Variants in RBM27 observed in about 807,000 individuals in gnomAD.
RBM27 encodes RNA-binding protein 27.
In RBM27, 22 loss-of-function variants were observed where a neutral mutation model predicts 135.3. The observed-to-expected ratio is 0.16, with a 90% CI of 0.12 to 0.23. RBM27 has a LOEUF of 0.23. Among genes scored for constraint, RBM27 ranks in the 10% least tolerant of loss-of-function variants. The pLI is 1.00. For synonymous variants in RBM27, 481 were observed against 442.4 expected, an observed-to-expected ratio of 1.09 and a Z score of -1.10; for missense variants, 1,009 against 1,281.0, an observed-to-expected ratio of 0.79 and a Z score of 3.24.
intron 1 of RBM27, among the ~76,000 whole-genome samples, chr5:146,215,521 C>T (rs181251595): frequency 2.9e-3 from 436 of 152,252 alleles, no homozygotes; most frequent in Non-Finnish European, 4.7e-3. Flanking sequence ...TTCTTCCATT[C>T]TTATTTATTT....
chr5:146,250,770 C>T (rs1299086916), intron 8 of RBM27, among the ~76,000 whole-genome samples: 3 of 72,666 alleles, frequency 4.1e-5, no homozygotes, highest in African/African-American at 5.5e-5. Context: ...TTTTTTTGTC[C>T]TTTTTTTTTT....
At chr5:146,216,596 G>C (rs956300728) in intron 1 of RBM27, among the ~76,000 whole-genome samples, 1 of 151,934 alleles carries the variant, frequency 6.6e-6, no homozygotes, top group Non-Finnish European at 1.5e-5. Context: ...GCCTTACTAA[G>C]GTTATCTGTT....
chr5:146,263,644 G>A lies in RBM27; in HGVS notation c.2331+13G>A. ...AGAAGATTGCCAGGTATGCATTTTT[G>A]GGAGCTTCAGATATATTTAGAATCA... On this transcript the variant is annotated intron_variant, in intron 14 of 20. Transcript: ENST00000265271. 2 of 1,612,396 alleles carry A rather than the reference G, an allele frequency of 1.2e-6. No individual in the cohort carries two copies. The highest frequency in any genetic ancestry group is 3.3e-4 in the Middle Eastern group (2 of 6,046).
intron 8 of RBM27, chr5:146,245,178 T>C (rs1327516845): frequency 6.6e-6 from 1 of 152,182 alleles, no homozygotes; most frequent in Non-Finnish European, 1.5e-5. Context: ...CCTAATTTTT[T>C]TTTTTTTTGC....
intron 7 of RBM27, 78 bp downstream of exon 7, chr5:146,233,821 G>A (rs752650381): frequency 5.2e-5 from 51 of 984,700 alleles, no homozygotes; most frequent in Middle Eastern, 2.6e-4. Flanking sequence ...CTTGACACTC[G>A]TTTAAAGTGT....
intron 1 of RBM27, among the ~76,000 whole-genome samples, chr5:146,206,260 G>C (rs1175141047): frequency 6.8e-6 from 1 of 147,382 alleles, no homozygotes; most frequent in African/African-American, 2.5e-5. Flanking sequence ...TTTTTTTAAA[G>C]CTCCCTAAGA....
intron 8 of RBM27, among the ~76,000 whole-genome samples, chr5:146,240,389 A>C (rs1757357850): frequency 6.6e-6 from 1 of 151,678 alleles, no homozygotes; most frequent in African/African-American, 2.4e-5. Flanking sequence ...TGCAGTGGTG[A>C]GATCTCAGCT....
At chr5:146,280,347 G>A (rs1229783734) in intron 19 of RBM27, among the ~76,000 whole-genome samples, 1 of 152,092 alleles carries the variant, frequency 6.6e-6, no homozygotes, top group Admixed American at 6.6e-5. Context: ...GTGCCACCAC[G>A]CCCGACCTAT....
Position 146,287,016 on chromosome 5 carries a change from T to G in RBM27, c.*986T>G, listed in dbSNP as rs1397329848. Reference sequence around the variant, plus strand: ...TTTGGGGAGAAGAGAATCACCAGCTTTATTTTTTCCCTCTTTTGAAGCTTC... The same window carrying G: ...TTTGGGGAGAAGAGAATCACCAGCTGTATTTTTTCCCTCTTTTGAAGCTTC... On this transcript the variant is annotated 3_prime_UTR_variant, in exon 21 of 21. Transcript: ENST00000265271. The G allele has an allele frequency of 6.6e-6, 1 of 152,358 alleles. No homozygotes were observed. Among genetic ancestry groups the G allele is most frequent in the Non-Finnish European group, 1.5e-5 (1 of 68,020 alleles). The allele number at this position is 152,358 out of a possible 1,614,324, so 9.4% of individuals were successfully genotyped here.
At chr5:146,277,041 G>A (rs953479397) in intron 19 of RBM27, among the ~76,000 whole-genome samples, 5 of 152,218 alleles carry the variant, frequency 3.3e-5, no homozygotes, top group South Asian at 2.1e-4. Context: ...TATAATTTTC[G>A]TAGCTAGTTC....
intron 17 of RBM27, 127 bp downstream of exon 17, chr5:146,269,711 G>A (rs1377083495): frequency 4.8e-6 from 1 of 207,790 alleles, no homozygotes; most frequent in Non-Finnish European, 9.4e-6. Flanking sequence ...AACAATTATA[G>A]TACTTAAAAA....
intron 7 of RBM27, 76 bp downstream of exon 7, chr5:146,233,819 T>G: frequency 9.9e-7 from 1 of 1,015,206 alleles, no homozygotes; most frequent in Non-Finnish European, 1.3e-6. Flanking sequence ...AACTTGACAC[T>G]CGTTTAAAGT....
chr5:146,216,997 C>T (rs1014274007), intron 1 of RBM27, among the ~76,000 whole-genome samples: 7 of 151,960 alleles, frequency 4.6e-5, no homozygotes, highest in African/African-American at 1.4e-4. Context: ...GATGGAGTCT[C>T]GCTCTGTTGC....
At chr5:146,250,020 G>A (rs1757814732) in intron 8 of RBM27, among the ~76,000 whole-genome samples, 1 of 152,122 alleles carries the variant, frequency 6.6e-6, no homozygotes, top group Non-Finnish European at 1.5e-5. Flanking sequence ...CGAAGAAAAG[G>A]GTAGTGAAGT....
In RBM27 at chr5:146,263,525, T is replaced by G; in HGVS notation, c.2225T>G (p.Val742Gly). 1.9e-6 allele frequency: 3 copies of G among 1,614,164 alleles called. No homozygotes were observed. The highest frequency in any genetic ancestry group is 2.5e-6 in the Non-Finnish European group (3 of 1,180,008). The change falls in exon 14 of 21, where the codon GTT (valine) becomes GGT (glycine). Residue 742 changes from valine to glycine, a missense_variant. Transcript: ENST00000265271. ...MSKPQTSGAY[V>G]LNKVPVKHRL... ...AAACCACAGACATCAGGTGCATATG[T>G]TCTTAACAAAGTTCCTGTTAAACAT... is the stretch of plus-strand genomic sequence containing the variant.
chr5:146,224,910 T>C (rs1430574697), intron 3 of RBM27, among the ~76,000 whole-genome samples: 1 of 152,074 alleles, frequency 6.6e-6, no homozygotes, highest in Admixed American at 6.6e-5. Context: ...TTTTTCTCAG[T>C]AATTTGAGTA....
chr5:146,204,204 G>GAATAGCAGA (rs1195207373), intron 1 of RBM27, among the ~76,000 whole-genome samples: 1 of 152,166 alleles, frequency 6.6e-6, no homozygotes, highest in Non-Finnish European at 1.5e-5. Flanking sequence ...ATGTCGAAGG[G>GAATAGCAGA]AATAGCAGAA....
At chr5:146,228,888 C>A in intron 3 of RBM27, 58 bp from the exon 4 acceptor site, 1 of 1,396,954 alleles carries the variant, frequency 7.2e-7, no homozygotes, top group Non-Finnish European at 1.0e-6. Context: ...GTTGGGATTA[C>A]AGGTGTGAGC....
chr5:146,219,892 ATCTATGTATTTTTATT>A (rs1381154837), intron 2 of RBM27, among the ~76,000 whole-genome samples: 1 of 151,692 alleles, frequency 6.6e-6, no homozygotes, highest in East Asian at 1.9e-4. Flanking sequence ...TTATTTTTAT[ATCTATGTATTTTTATT>A]TTTGTAGTGT....
Sources: gnomAD v4.1 joint callset for allele counts (sites outside exome capture counted in the v4.1 genomes callset) on GRCh38, gnomAD v4.1.1 for gene constraint, MANE v1.5 for transcripts, NCBI Gene and HGNC (gene_info 2026-07-23, HGNC 2026-07-21) for gene names.